The following ZNF341 variants were observed in gnomAD, a reference collection of about 807,000 sequenced individuals.
ZNF341 encodes the protein zinc finger protein 341.
ZNF341 carries 52 observed loss-of-function variants against 87.7 expected under a neutral mutation model. The observed-to-expected ratio is 0.59, with a 90% CI of 0.47 to 0.75. The LOEUF is 0.75. ZNF341 is among the 30% of genes least tolerant of loss of function. The probability of loss-of-function intolerance (pLI) is 0.00; values close to 1 mark genes in which losing one functional copy is unlikely to be tolerated. For missense variants in ZNF341, 977 were observed against 1,145.9 expected (o/e 0.85, Z 2.13); for synonymous variants, 459 against 472.7 (o/e 0.97, Z 0.38).
intron 1 of ZNF341, among the ~76,000 whole-genome samples, chr20:33,738,411 C>A (rs1021814297): frequency 6.6e-6 from 1 of 152,282 alleles, no homozygotes; most frequent in East Asian, 1.9e-4. Flanking sequence ...CTCCTAACCT[C>A]ATGGTCTTTC....
intron 9 of ZNF341, among the ~76,000 whole-genome samples, chr20:33,768,729 A>G (rs1338071968): frequency 6.6e-6 from 1 of 152,206 alleles, no homozygotes; most frequent in African/African-American, 2.4e-5. Flanking sequence ...GGCCTGGATC[A>G]AGTGTTTTAA....
chr20:33,788,824 C>T (rs2019930375), intron 12 of ZNF341, 39 bp from the exon 13 acceptor site: 1 of 1,585,314 alleles, frequency 6.3e-7, no homozygotes, highest in African/African-American at 1.3e-5. Context: ...ATGCCGACTC[C>T]TGGTGAGTGC....
rs6088297 is a variant in ZNF341, at chr20:33,762,003, C to T, written c.1170C>T (p.Thr390=). 2.4e-5 allele frequency: 38 copies of T among 1,603,790 alleles called. No homozygotes were observed. The highest frequency in any genetic ancestry group is 4.5e-5 in the East Asian group (2 of 44,606). ...GCACCGTGTCTCGAAACTCTGTGAC[C>T]GTACAGGTCATGGCCCTGAACCCCA... ...SGGTVSRNSV[T]VQVMALNPSR... Residue 390 remains threonine, a synonymous_variant, in exon 8 of 15, where the codon ACC becomes ACT. Coordinates refer to ENST00000375200, the MANE Select transcript of ZNF341 (RefSeq NM_001282933.2).
At chr20:33,766,624 G>A (rs2019411774) in intron 8 of ZNF341, among the ~76,000 whole-genome samples, 1 of 152,174 alleles carries the variant, frequency 6.6e-6, no homozygotes, top group Non-Finnish European at 1.5e-5. Context: ...GAGGCTCGAG[G>A]CAGCAGCTGT....
rs1404965651 is a variant in ZNF341 at position 33,789,587 on chromosome 20, T to G, written c.2034T>G (p.Ser678=). The G allele has an allele frequency of 6.2e-7, 1 of 1,614,030 alleles. No homozygotes were observed. Among genetic ancestry groups the G allele is most frequent in the Non-Finnish European group, 8.5e-7 (1 of 1,179,978 alleles). ...TGAAGGCCCACATCCTCTCCCACTC[T>G]GGTAAGTGGCTCTTGGGCCTGCTAA... ...DKLKAHILSH[S]GMKLHKCALC... is the part of the protein sequence containing the mutation. The change falls in exon 14 of 15, where the codon TCT becomes TCG. Residue 678 remains serine (S), a splice_region_variant and synonymous_variant. Transcript: ENST00000375200.
intron 1 of ZNF341, among the ~76,000 whole-genome samples, chr20:33,738,908 T>G (rs1223746311): frequency 2.0e-5 from 3 of 152,232 alleles, no homozygotes; most frequent in African/African-American, 2.4e-5. Flanking sequence ...ACAGCCTGCA[T>G]TGTGACAAGG....
intron 8 of ZNF341, among the ~76,000 whole-genome samples, chr20:33,765,976 G>A (rs1310311891): frequency 2.6e-5 from 4 of 152,172 alleles, no homozygotes; most frequent in African/African-American, 4.8e-5. Context: ...TCCACCTTCC[G>A]GGTTCAAGCA....
intron 11 of ZNF341, among the ~76,000 whole-genome samples, chr20:33,783,115 T>C (rs916505928): frequency 2.0e-5 from 3 of 151,878 alleles, no homozygotes; most frequent in African/African-American, 4.8e-5. Context: ...GATTGCACCA[T>C]TGCACTCCAG....
At chr20:33,790,244 G>C (rs2019973658) in intron 14 of ZNF341, among the ~76,000 whole-genome samples, 1 of 151,946 alleles carries the variant, frequency 6.6e-6, no homozygotes, top group Non-Finnish European at 1.5e-5. Context: ...GCTAATTTTT[G>C]TATTTTTAGT....
intron 10 of ZNF341, among the ~76,000 whole-genome samples, chr20:33,777,433 G>A (rs1307633268): frequency 2.6e-5 from 4 of 151,184 alleles, no homozygotes; most frequent in Admixed American, 2.0e-4. Context: ...TCAGGAGTTC[G>A]AGACCAGCCT....
chr20:33,735,303 T>G (rs530788181), intron 1 of ZNF341, among the ~76,000 whole-genome samples: 1 of 152,216 alleles, frequency 6.6e-6, no homozygotes, highest in Non-Finnish European at 1.5e-5. Flanking sequence ...GTGATGGGAT[T>G]GCAGGCGTGA....
chr20:33,783,840 A>C lies in ZNF341; in HGVS notation c.1828A>C (p.Lys610Gln), dbSNP rs2019792802. The C allele has an allele frequency of 5.0e-6, 8 of 1,613,344 alleles. No homozygotes were observed. The East Asian group carries it at 1.8e-4, about 36-fold the overall frequency. The change falls in exon 12 of 15, where the codon AAA becomes CAA. Residue 610 changes from lysine (K) to glutamine (Q), a missense_variant. Physicochemically the swap from Lys to Gln is moderately conservative, Grantham distance 53. Around this residue, in one of 3 missense-constraint regions of ZNF341, gnomAD observed 241 missense variants for 335.0 expected, o/e 0.72. Transcript: ENST00000375200. ...KKFFRREHYL[K>Q]LHAHIHSGEK... ...GTTCTTCCGGCGGGAGCATTATCTC[A>C]AACTGCATGCTCACATCCACTCGGG...
chr20:33,786,316 G>C (rs909696414), intron 12 of ZNF341, among the ~76,000 whole-genome samples: 1 of 152,078 alleles, frequency 6.6e-6, no homozygotes, highest in Non-Finnish European at 1.5e-5. Flanking sequence ...TGTATGAACC[G>C]TTAAATTACA....
In ZNF341 at chr20:33,758,873, G is replaced by A. The variant is rs1225880017; in HGVS notation, c.1028+67G>A. ...GGCTGGGACCATCTGTGCTGGAAGC[G>A]AGACTCCCTTCTCAGCCCCTAGCCT... On this transcript the variant is annotated intron_variant, in intron 7 of 14. Transcript: ENST00000375200. The A allele has an allele frequency of 2.9e-6, 4 of 1,392,868 alleles. No individual in the cohort carries two copies. The Admixed American group carries it at 5.2e-5, about 18-fold the overall frequency. The allele number at this position is 1,392,868 out of a possible 1,614,324, so 86.3% of individuals were successfully genotyped here.
intron 10 of ZNF341, among the ~76,000 whole-genome samples, chr20:33,780,412 T>G (rs1024615264): frequency 2.6e-5 from 4 of 151,302 alleles, no homozygotes; most frequent in Non-Finnish European, 4.4e-5. Context: ...ACTTTTTTTT[T>G]TTGTTTCTTT....
At chr20:33,766,425 C>T (rs2019407563) in intron 8 of ZNF341, among the ~76,000 whole-genome samples, 1 of 151,532 alleles carries the variant, frequency 6.6e-6, no homozygotes, top group Admixed American at 6.6e-5. Context: ...GAACTTCTGA[C>T]CTCAAGTGAT....
chr20:33,791,595 T>G lies in ZNF341; in HGVS notation c.*78T>G. The G allele has an allele frequency of 7.1e-7, 1 of 1,404,918 alleles. No homozygotes were observed. 87.0% of individuals were successfully genotyped at this position (1,404,918 alleles called of 1,614,324 possible). A position where few individuals can be genotyped will look rare whatever the true frequency, so the allele number is the denominator to read the frequency against. On this transcript the variant is annotated 3_prime_UTR_variant, in exon 15 of 15. Transcript: ENST00000375200. ...AGGGCCCCTGGGGGCAGACCGGTGATCCTTACCAGTGGAAGCGAGCCATCG... is the reference window on the plus strand; with the variant it reads ...AGGGCCCCTGGGGGCAGACCGGTGAGCCTTACCAGTGGAAGCGAGCCATCG...
chr20:33,758,929 C>T, intron 7 of ZNF341, 123 bp downstream of exon 7: 1 of 793,454 alleles, frequency 1.3e-6, no homozygotes, highest in Middle Eastern at 2.3e-4. Flanking sequence ...CTTGCATGTT[C>T]AGGCTGTAGT....
chr20:33,764,561 A>ATTTTTTTTTTTTTTT (rs1164096634), intron 8 of ZNF341, among the ~76,000 whole-genome samples: 2 of 28,412 alleles, frequency 7.0e-5, no homozygotes, highest in Non-Finnish European at 1.3e-4. Flanking sequence ...ATATATATAT[A>ATTTTTTTTTTTTTTT]TTTTTTTTTT....
Sources: gnomAD v4.1 joint callset for allele counts (sites outside exome capture counted in the v4.1 genomes callset) on GRCh38, gnomAD v4.1.1 for gene constraint, gnomAD v4.1.1 regional missense constraint, MANE v1.5 for transcripts, NCBI Gene and HGNC (gene_info 2026-07-23, HGNC 2026-07-21) for gene names.